ZNF879: variants seen among roughly 807,000 people sequenced by gnomAD.
ZNF879 encodes zinc finger protein 879.
Under a neutral mutation model 44.3 loss-of-function variants are expected in ZNF879, and 32 were observed. The ratio of observed to expected loss-of-function variants is 0.72; its 90% CI spans 0.54 to 0.97. ZNF879 has a LOEUF of 0.97. Among genes scored for constraint, ZNF879 ranks in the 50% least tolerant of loss-of-function variants. ZNF879 has a pLI of 0.00. For missense variants in ZNF879, 621 were observed against 669.7 expected (o/e 0.93, Z 0.80); for synonymous variants, 234 against 233.2 (o/e 1.00, Z -0.03).
chr5:179,033,279 A>G lies in ZNF879; in HGVS notation c.1331A>G (p.Asn444Ser), dbSNP rs1761488257. The change falls in exon 5 of 5, where the codon AAT (asparagine) becomes AGT (serine). Residue 444 changes from asparagine to serine, a missense_variant. Coordinates refer to ENST00000444149, the MANE Select transcript of ZNF879 (RefSeq NM_001136116.3). ...GCCTTCTCTTGGATTTCACGGCTTA[A>G]TATACATCACAGAATTCACACTGGA... ...GKAFSWISRLNIHHRIHTGEK... is the reference protein window; with the variant it reads ...GKAFSWISRLSIHHRIHTGEK... 6.3e-7 allele frequency: 1 copy of G among 1,580,808 alleles called. No individual in the cohort carries two copies. Among genetic ancestry groups the G allele is most frequent in the Non-Finnish European group, 8.6e-7 (1 of 1,163,312 alleles).
At position 179,025,037 on chromosome 5, in the gene ZNF879, G is replaced by A; in HGVS notation, c.33G>A (p.Gln11=). The stretch of plus-strand genomic sequence containing the variant: ...GGAGGTTGCTGCCAGCCCATGTACA[G>A]GTGAGTGAAGGCTTCTTTTTGCTTG... MARRLLPAHV[Q]ESVTFRDVAV... Residue 11 remains glutamine, a splice_region_variant and synonymous_variant, in exon 2 of 5, where the codon CAG becomes CAA. Coordinates refer to ENST00000444149, the MANE Select transcript of ZNF879 (RefSeq NM_001136116.3). 1 of 1,551,506 alleles carries A rather than the reference G, an allele frequency of 6.4e-7. No individual in the cohort carries two copies. Among genetic ancestry groups the A allele is most frequent in the Non-Finnish European group, 8.7e-7 (1 of 1,146,870 alleles).
intron 1 of ZNF879, chr5:179,024,634 A>G (rs1761209138): frequency 9.3e-6 from 2 of 216,112 alleles, no homozygotes; most frequent in Admixed American, 1.1e-4. Flanking sequence ...ATCCAAGTGC[A>G]GATGTGTGGA....
In ZNF879 at chr5:179,032,362, C is replaced by T. The variant is rs2113068104; in HGVS notation, c.414C>T (p.Phe138=). 1 of 1,551,192 alleles carries T rather than the reference C, an allele frequency of 6.4e-7. No individual in the cohort carries two copies. Among genetic ancestry groups the T allele is most frequent in the Non-Finnish European group, 8.7e-7 (1 of 1,146,916 alleles). ...EKQQGKKNRL[F]SKVLVTIKKV... Reference sequence around the variant, plus strand: ...AACAAGGCAAAAAGAACAGACTTTTCAGTAAAGTGTTAGTTACCATCAAAA... The same window carrying T: ...AACAAGGCAAAAAGAACAGACTTTTTAGTAAAGTGTTAGTTACCATCAAAA... The change falls in exon 5 of 5, where the codon TTC becomes TTT. Residue 138 remains phenylalanine, a synonymous_variant. Coordinates refer to ENST00000444149, the MANE Select transcript of ZNF879 (RefSeq NM_001136116.3).
chr5:179,031,052 T>C (rs548107225), intron 4 of ZNF879, among the ~76,000 whole-genome samples: 14 of 152,188 alleles, frequency 9.2e-5, no homozygotes, highest in Non-Finnish European at 1.8e-4. Flanking sequence ...TTCCGTCTCT[T>C]ATCACCACAT....
chr5:179,026,554 G>A (rs1176478542), intron 2 of ZNF879, among the ~76,000 whole-genome samples: 2 of 152,058 alleles, frequency 1.3e-5, no homozygotes, highest in African/African-American at 4.8e-5. Flanking sequence ...GTGATCACAC[G>A]TCACTGCAGC....
intron 4 of ZNF879, among the ~76,000 whole-genome samples, chr5:179,029,592 T>G (rs1259480060): frequency 6.6e-6 from 1 of 152,234 alleles, no homozygotes; most frequent in Non-Finnish European, 1.5e-5. Flanking sequence ...CAGTGTTGTT[T>G]TACAAGCATT....
chr5:179,033,148 T>C lies in ZNF879; in HGVS notation c.1200T>C (p.Tyr400=), dbSNP rs767404275. The change falls in exon 5 of 5, where the codon TAT becomes TAC. Residue 400 remains tyrosine, a synonymous_variant. Coordinates refer to ENST00000444149, the MANE Select transcript of ZNF879 (RefSeq NM_001136116.3). ...GAATTCACACTGGTGAGAAACCATA[T>C]GCATGCAAAGAATGTGGGAAAGCCT... is the stretch of plus-strand genomic sequence containing the variant. The part of the protein sequence containing the change: ...HQRIHTGEKP[Y]ACKECGKAFS... 3 of 1,589,576 alleles carry C rather than the reference T, an allele frequency of 1.9e-6. No homozygotes were observed. The highest frequency in any genetic ancestry group is 4.6e-5 in the East Asian group (2 of 43,342).
At chr5:179,027,705 A>C in intron 3 of ZNF879, 106 bp downstream of exon 3, 2 of 1,441,928 alleles carry the variant, frequency 1.4e-6, no homozygotes, top group Non-Finnish European at 1.9e-6. Flanking sequence ...GTGGGCTCCA[A>C]GAGTGGCCAT....
rs6601007 is a variant in ZNF879 at position 179,028,795 on chromosome 5, G to A, written c.256+668G>A. 3.6e-3 allele frequency among the ~76,000 whole-genome samples: 549 copies of A among 152,016 alleles called. 1 individual carries two copies. The highest frequency in any genetic ancestry group is 0.012 in the African/African-American group (504 of 41,432). On this transcript the variant is annotated intron_variant, in intron 4 of 4. Transcript: ENST00000444149. ...TTGGATGACTGCATTATCAGCTTCC[G>A]CATTCATTCTCCTGTGAATTCTGTC...
intron 4 of ZNF879, among the ~76,000 whole-genome samples, 153 bp downstream of exon 4, chr5:179,028,280 T>C (rs1378725971): frequency 2.0e-5 from 3 of 152,256 alleles, no homozygotes; most frequent in Admixed American, 1.3e-4. Context: ...TGATCCATCA[T>C]GTTCAGAGGA....
intron 3 of ZNF879, 81 bp downstream of exon 3, chr5:179,027,680 C>A: frequency 6.5e-7 from 1 of 1,533,848 alleles, no homozygotes; most frequent in Non-Finnish European, 8.8e-7. Flanking sequence ...AGGGCTTGGC[C>A]AGGTCGGCTC....
intron 2 of ZNF879, among the ~76,000 whole-genome samples, chr5:179,026,971 A>T (rs1021708803): frequency 1.3e-5 from 2 of 152,230 alleles, no homozygotes; most frequent in African/African-American, 4.8e-5. Flanking sequence ...CTCCTGACAC[A>T]GCCATGCCTG....
Position 179,033,496 on chromosome 5 carries a change from G to C in ZNF879, c.1548G>C (p.Val516=), listed in dbSNP as rs955487040. The C allele has an allele frequency of 6.4e-7, 1 of 1,560,892 alleles. No individual in the cohort carries two copies. ...HTGEKPYNCK[V]CGKAFRQSSS... ...GAGAGAAACCATATAATTGTAAAGT[G>C]TGTGGGAAAGCCTTCAGACAGAGTT... Residue 516 remains valine, a synonymous_variant, in exon 5 of 5, where the codon GTG becomes GTC. Transcript: ENST00000444149.
chr5:179,030,088 C>T (rs1161395814), intron 4 of ZNF879, among the ~76,000 whole-genome samples: 1 of 152,088 alleles, frequency 6.6e-6, no homozygotes, highest in African/African-American at 2.4e-5. Context: ...ATTAAAAATC[C>T]ACAAGGGATT....
chr5:179,032,158 T>C (rs775189752), intron 4 of ZNF879, 47 bp from the exon 5 acceptor site: 2 of 1,370,646 alleles, frequency 1.5e-6, no homozygotes, highest in Non-Finnish European at 1.9e-6. Context: ...ATGTCACTTT[T>C]TAAAATTCTG....
At position 179,033,232 on chromosome 5, in the gene ZNF879, C is replaced by T. The variant is rs1761486887; in HGVS notation, c.1284C>T (p.Tyr428=). 6.3e-7 allele frequency: 1 copy of T among 1,593,228 alleles called. No individual in the cohort carries two copies. The highest frequency in any genetic ancestry group is 8.5e-7 in the Non-Finnish European group (1 of 1,169,702). ...HQRIHTGEKP[Y]KCNECGKAFS... ...GAATTCACACTGGAGAAAAACCCTA[C>T]AAATGTAATGAATGTGGGAAAGCCT... The change falls in exon 5 of 5, where the codon TAC becomes TAT. Residue 428 remains tyrosine, a synonymous_variant. Coordinates refer to ENST00000444149, the MANE Select transcript of ZNF879 (RefSeq NM_001136116.3).
chr5:179,033,308 A>G lies in ZNF879; in HGVS notation c.1360A>G (p.Lys454Glu), dbSNP rs1761489776. The G allele has an allele frequency of 1.3e-6, 2 of 1,575,194 alleles. No homozygotes were observed. Among genetic ancestry groups the G allele is most frequent in the African/African-American group, 1.4e-5 (1 of 73,614 alleles). Residue 454 changes from lysine to glutamate, a missense_variant, in exon 5 of 5, where the codon AAA (lysine) becomes GAA (glutamate). Lys to Glu is a moderately conservative substitution (Grantham distance 56). Coordinates refer to ENST00000444149, the MANE Select transcript of ZNF879 (RefSeq NM_001136116.3). ...ACATCACAGAATTCACACTGGAGAG[A>G]AACCATATAATTGTAAGGAATGTGG... Reference protein sequence around the residue: ...NIHHRIHTGEKPYNCKECGKA... With the variant: ...NIHHRIHTGEEPYNCKECGKA...
chr5:179,027,407 G>T (rs757272901), intron 2 of ZNF879, 66 bp from the exon 3 acceptor site: 5 of 1,592,658 alleles, frequency 3.1e-6, no homozygotes, highest in Non-Finnish European at 4.3e-6. Context: ...TTGTGACAGG[G>T]TTGCTTCTCA....
chr5:179,032,597 T>C lies in ZNF879; in HGVS notation c.649T>C (p.Ser217Pro). 1 of 1,559,114 alleles carries C rather than the reference T, an allele frequency of 6.4e-7. No homozygotes were observed. The highest frequency in any genetic ancestry group is 8.7e-7 in the Non-Finnish European group (1 of 1,151,564). Residue 217 changes from serine to proline, a missense_variant, in exon 5 of 5, where the codon TCC becomes CCC. Physicochemically the swap from Ser to Pro is moderately conservative, Grantham distance 74. Transcript: ENST00000444149. ...NICGKIFLHSSSLSKHQRIHT... is the reference protein window; with the variant it reads ...NICGKIFLHSPSLSKHQRIHT... Reference sequence around the variant, plus strand: ...CTGTGGGAAAATCTTCCTCCACAGTTCCTCCCTGAGTAAACACCAGAGAAT... The same window carrying C: ...CTGTGGGAAAATCTTCCTCCACAGTCCCTCCCTGAGTAAACACCAGAGAAT...
Sources: allele counts gnomAD v4.1 joint callset (sites outside exome capture counted in the v4.1 genomes callset), GRCh38; gene constraint gnomAD v4.1.1; transcripts MANE v1.5; gene names NCBI Gene and HGNC (gene_info 2026-07-23, HGNC 2026-07-21).